Variants in LRRTM4 observed in about 807,000 individuals in gnomAD.
The protein encoded by LRRTM4 is leucine-rich repeat transmembrane neuronal protein 4.
A neutral mutation model predicts 47.6 loss-of-function variants in LRRTM4; 25 were observed. That is an observed-to-expected ratio of 0.53 (90% CI 0.38 to 0.73). The LOEUF (loss-of-function observed/expected upper bound fraction) is 0.73. Ranked by LOEUF, LRRTM4 falls within the 30% of genes least tolerant of loss-of-function variation. The pLI is 0.00. For synonymous variants in LRRTM4, 311 were observed against 269.5 expected, an observed-to-expected ratio of 1.15 and a Z score of -1.51; for missense variants, 638 against 713.4, an observed-to-expected ratio of 0.89 and a Z score of 1.20.
At chr2:76,779,469 G>C (rs905673038) in intron 3 of LRRTM4, among the ~76,000 whole-genome samples, 1 of 147,034 alleles carries the variant, frequency 6.8e-6, no homozygotes, top group African/African-American at 2.5e-5. Context: ...TATATATTTA[G>C]GATAGTTAGC....
intron 3 of LRRTM4, among the ~76,000 whole-genome samples, chr2:77,365,024 A>G (rs1165149721): frequency 6.6e-6 from 1 of 152,028 alleles, no homozygotes; most frequent in Non-Finnish European, 1.5e-5. Flanking sequence ...CCAAACCTCT[A>G]CATACTAAAT....
At chr2:77,246,993 T>A (rs1055530339) in intron 3 of LRRTM4, among the ~76,000 whole-genome samples, 9 of 152,238 alleles carry the variant, frequency 5.9e-5, no homozygotes, top group Admixed American at 5.9e-4. Context: ...AAATGTTTTA[T>A]ATTTACACCC....
At chr2:77,243,341 C>T (rs889302615) in intron 3 of LRRTM4, among the ~76,000 whole-genome samples, 3 of 142,738 alleles carry the variant, frequency 2.1e-5, no homozygotes, top group Admixed American at 7.7e-5. Context: ...ACCTGGGAGG[C>T]GGAGGTTGCG....
intron 3 of LRRTM4, among the ~76,000 whole-genome samples, chr2:77,405,247 T>G (rs1674135942): frequency 6.6e-6 from 1 of 152,118 alleles, no homozygotes; most frequent in East Asian, 1.9e-4. Flanking sequence ...ATACTAATTT[T>G]GACTTGGCTG....
chr2:76,892,812 T>C (rs1673296614), intron 3 of LRRTM4, among the ~76,000 whole-genome samples: 1 of 151,742 alleles, frequency 6.6e-6, no homozygotes, highest in African/African-American at 2.4e-5. Context: ...AACACATTTA[T>C]TTCCTGAGCC....
rs1379885677 is a variant in LRRTM4 at position 77,326,998 on chromosome 2, G to A, written c.1551+191320C>T. Among the ~76,000 whole-genome samples, 6 of 152,104 alleles carry A rather than the reference G, an allele frequency of 3.9e-5. No homozygotes were observed. In the South Asian group the frequency reaches 8.3e-4, roughly 21 times the overall value. ...AACCAGCGGCTCAGCTGTTTCTGCTGCAGGAAAGGTTGTGGGCAAAAGGAT... is the reference window on the plus strand; with the variant it reads ...AACCAGCGGCTCAGCTGTTTCTGCTACAGGAAAGGTTGTGGGCAAAAGGAT... On this transcript the variant is annotated intron_variant, in intron 3 of 3. Transcript: ENST00000409884.
intron 3 of LRRTM4, among the ~76,000 whole-genome samples, chr2:77,370,796 C>A (rs927801325): frequency 6.6e-6 from 1 of 151,696 alleles, no homozygotes; most frequent in African/African-American, 2.4e-5. Flanking sequence ...TTAAGAATTT[C>A]TCTGACATGC....
intron 3 of LRRTM4, among the ~76,000 whole-genome samples, chr2:77,024,682 CTT>C: frequency 6.6e-6 from 1 of 152,178 alleles, no homozygotes; most frequent in African/African-American, 2.4e-5. Flanking sequence ...TCACTTAACA[CTT>C]TTCCAGTTTC....
chr2:76,775,881 A>G (rs1029437662), intron 3 of LRRTM4, among the ~76,000 whole-genome samples: 7 of 151,980 alleles, frequency 4.6e-5, no homozygotes, highest in Admixed American at 2.0e-4. Flanking sequence ...AGCATTAGGT[A>G]TGTCTCCCAA....
At chr2:77,306,057 T>C (rs2104178349) in intron 3 of LRRTM4, among the ~76,000 whole-genome samples, 1 of 152,302 alleles carries the variant, frequency 6.6e-6, no homozygotes, top group South Asian at 2.1e-4. Flanking sequence ...TTATTCATTG[T>C]ATGAATGTGC....
intron 3 of LRRTM4, among the ~76,000 whole-genome samples, chr2:77,193,056 A>G (rs1673717783): frequency 6.6e-6 from 1 of 152,194 alleles, no homozygotes; most frequent in Non-Finnish European, 1.5e-5. Flanking sequence ...AAAAATGTCT[A>G]CTGCTTAGTG....
rs185990995 is a variant in LRRTM4 at position 77,271,980 on chromosome 2, G to T, written c.1551+246338C>A. On this transcript the variant is annotated intron_variant, in intron 3 of 3. Transcript: ENST00000409884. ...ACACTTTCAAGCCATTATACTTGCT[G>T]TGTTCATTTGCCCAAAATGTCCTAT... Among the ~76,000 whole-genome samples, 234 of 152,166 alleles carry T rather than the reference G, an allele frequency of 1.5e-3. 3 individuals carry two copies. The highest frequency in any genetic ancestry group is 4.4e-3 in the African/African-American group (182 of 41,500).
chr2:77,206,049 C>T (rs1401157601), intron 3 of LRRTM4, among the ~76,000 whole-genome samples: 1 of 151,998 alleles, frequency 6.6e-6, no homozygotes, highest in Admixed American at 6.6e-5. Context: ...ACTATGTTGC[C>T]CAGGCTGTTC....
intron 3 of LRRTM4, among the ~76,000 whole-genome samples, chr2:77,212,458 TATATATATA>T (rs1174447164): frequency 7.8e-6 from 1 of 128,454 alleles, no homozygotes; most frequent in Non-Finnish European, 1.6e-5. Context: ...GTGGAATAAT[TATATATATA>T]TATATATAGA....
intron 3 of LRRTM4, among the ~76,000 whole-genome samples, chr2:77,070,778 G>C (rs370354437): frequency 6.6e-6 from 1 of 151,942 alleles, no homozygotes; most frequent in Non-Finnish European, 1.5e-5. Flanking sequence ...CTACAGGCAC[G>C]CACTACCATG....
At chr2:76,871,129 T>C (rs181911806) in intron 3 of LRRTM4, among the ~76,000 whole-genome samples, 1 of 152,184 alleles carries the variant, frequency 6.6e-6, no homozygotes, top group Non-Finnish European at 1.5e-5. Context: ...TATGGCATAT[T>C]CTTTACCGTA....
At chr2:76,838,024 C>T (rs1473308409) in intron 3 of LRRTM4, among the ~76,000 whole-genome samples, 19 of 151,594 alleles carry the variant, frequency 1.3e-4, no homozygotes, top group Admixed American at 1.3e-3. Flanking sequence ...CAGCATGGCA[C>T]ATGTATACAT....
chr2:76,900,466 G>C (rs904739756), intron 3 of LRRTM4, among the ~76,000 whole-genome samples: 1 of 151,968 alleles, frequency 6.6e-6, no homozygotes, highest in Non-Finnish European at 1.5e-5. Context: ...ATATATTTAT[G>C]TTTTTATAAT....
chr2:77,297,019 A>C (rs1676992784), intron 3 of LRRTM4, among the ~76,000 whole-genome samples: 1 of 152,198 alleles, frequency 6.6e-6, no homozygotes. Context: ...TCCCTGGGGT[A>C]ATGAATGGAG....
Sources: allele counts gnomAD v4.1 joint callset (sites outside exome capture counted in the v4.1 genomes callset), GRCh38; gene constraint gnomAD v4.1.1; transcripts MANE v1.5; gene names NCBI Gene and HGNC (gene_info 2026-07-23, HGNC 2026-07-21).